Variants in MGAT4C observed in about 807,000 individuals in gnomAD.
MGAT4C encodes MGAT4 family member C.
Under a neutral mutation model 40.1 loss-of-function variants are expected in MGAT4C, and 19 were observed. The ratio of observed to expected loss-of-function variants is 0.47; its 90% CI spans 0.33 to 0.70. The LOEUF (loss-of-function observed/expected upper bound fraction) is 0.70. Ranked by LOEUF, MGAT4C falls within the 30% of genes least tolerant of loss-of-function variation. The pLI is 0.02. For missense variants in MGAT4C, 491 were observed against 563.2 expected, an observed-to-expected ratio of 0.87 and a Z score of 1.30; for synonymous variants, 181 against 187.1, an observed-to-expected ratio of 0.97 and a Z score of 0.27.
intron 2 of MGAT4C, among the ~76,000 whole-genome samples, chr12:86,641,557 A>G (rs1963388451): frequency 6.6e-6 from 1 of 151,758 alleles, no homozygotes; most frequent in Non-Finnish European, 1.5e-5. Flanking sequence ...AAATAAAAGA[A>G]TTCTAAGGAG....
At chr12:86,751,430 A>T (rs1270268849) in intron 1 of MGAT4C, among the ~76,000 whole-genome samples, 1 of 151,834 alleles carries the variant, frequency 6.6e-6, no homozygotes, top group Non-Finnish European at 1.5e-5. Flanking sequence ...TGAAGATGTA[A>T]AATTAGAACA....
chr12:86,592,432 G>T (rs1460030254), intron 2 of MGAT4C, among the ~76,000 whole-genome samples: 3 of 148,480 alleles, frequency 2.0e-5, no homozygotes, highest in Non-Finnish European at 4.5e-5. Context: ...ATATAAAAGT[G>T]TTATCAAACT....
intron 1 of MGAT4C, among the ~76,000 whole-genome samples, chr12:86,787,130 T>C (rs548984357): frequency 2.5e-4 from 38 of 152,124 alleles, no homozygotes; most frequent in Non-Finnish European, 4.1e-4. Context: ...GCATACATTA[T>C]GTAATTTCTC....
At chr12:86,678,535 C>G (rs1444645218) in intron 2 of MGAT4C, among the ~76,000 whole-genome samples, 3 of 150,502 alleles carry the variant, frequency 2.0e-5, no homozygotes, top group Admixed American at 6.7e-5. Flanking sequence ...CCCATTAACT[C>G]GTCATTTAGC....
chr12:86,491,251 T>G (rs979479687), intron 2 of MGAT4C, among the ~76,000 whole-genome samples: 2 of 152,128 alleles, frequency 1.3e-5, no homozygotes, highest in African/African-American at 4.8e-5. Flanking sequence ...TCTGAAACTA[T>G]TCCAATCAAT....
intron 2 of MGAT4C, among the ~76,000 whole-genome samples, chr12:86,478,079 C>T (rs1450259951): frequency 6.6e-6 from 1 of 152,050 alleles, no homozygotes; most frequent in East Asian, 1.9e-4. Flanking sequence ...TACAAGATCA[C>T]TGTAGATTAA....
intron 2 of MGAT4C, among the ~76,000 whole-genome samples, chr12:86,710,803 G>A (rs973930027): frequency 6.6e-5 from 10 of 152,248 alleles, no homozygotes; most frequent in Non-Finnish European, 7.4e-5. Flanking sequence ...ATCAACGAAC[G>A]AGTGGATGAA....
intron 1 of MGAT4C, among the ~76,000 whole-genome samples, chr12:86,092,655 C>T (rs749733251): frequency 3.9e-5 from 6 of 152,042 alleles, no homozygotes; most frequent in Admixed American, 1.3e-4. Flanking sequence ...TCCAAGAGGA[C>T]GCTGGATCTT....
intron 2 of MGAT4C, among the ~76,000 whole-genome samples, chr12:86,477,456 C>T (rs769077837): frequency 6.6e-6 from 1 of 151,978 alleles, no homozygotes; most frequent in Non-Finnish European, 1.5e-5. Flanking sequence ...AAGCTACCTA[C>T]TGGGTGATAA....
chr12:86,748,946 CTT>C (rs376881850), intron 1 of MGAT4C, among the ~76,000 whole-genome samples: 1 of 141,558 alleles, frequency 7.1e-6, no homozygotes. Flanking sequence ...TTCTTTTAAC[CTT>C]TTTTTTTTTT....
rs557839852 is a variant in MGAT4C, at chr12:85,972,961, A to G, written c.*6328T>C. On this transcript the variant is annotated 3_prime_UTR_variant, in exon 5 of 5. Coordinates refer to ENST00000611864, the MANE Select transcript of MGAT4C (RefSeq NM_001351288.2). ...TATTTTATGGAGAAAAGAGGCATGTACTACCTTAAACATTTTCCAATTGGA... is the reference window on the plus strand; with the variant it reads ...TATTTTATGGAGAAAAGAGGCATGTGCTACCTTAAACATTTTCCAATTGGA... 17 of 151,144 alleles carry G rather than the reference A, an allele frequency of 1.1e-4. 1 individual carries two copies. Among genetic ancestry groups the G allele is most frequent in the African/African-American group, 4.1e-4 (17 of 41,476 alleles). 9.4% of individuals were successfully genotyped at this position (151,144 alleles called of 1,614,324 possible). A position where few individuals can be genotyped will look rare whatever the true frequency, so the allele number is the denominator to read the frequency against.
At chr12:86,823,548 T>C (rs528003581) in intron 1 of MGAT4C, among the ~76,000 whole-genome samples, 32 of 151,208 alleles carry the variant, frequency 2.1e-4, no homozygotes, top group Non-Finnish European at 4.4e-4. Context: ...ACGATGAGGA[T>C]AGTTGTCACA....
intron 4 of MGAT4C, among the ~76,000 whole-genome samples, chr12:86,290,635 C>T (rs1953486024): frequency 6.6e-6 from 1 of 151,318 alleles, no homozygotes; most frequent in African/African-American, 2.4e-5. Flanking sequence ...ATCATTTGTG[C>T]ATCAAACCCC....
At chr12:86,099,322 T>C (rs957231337) in intron 1 of MGAT4C, among the ~76,000 whole-genome samples, 3 of 151,456 alleles carry the variant, frequency 2.0e-5, no homozygotes, top group Non-Finnish European at 4.4e-5. Flanking sequence ...CACTATTTCA[T>C]AGTTTGGCTG....
At chr12:86,061,455 C>T (rs1481810637) in intron 1 of MGAT4C, among the ~76,000 whole-genome samples, 2 of 141,378 alleles carry the variant, frequency 1.4e-5, no homozygotes, top group Non-Finnish European at 3.0e-5. Context: ...ACTGAGCTAA[C>T]TGCAGGAGTT....
intron 1 of MGAT4C, among the ~76,000 whole-genome samples, chr12:86,094,149 A>G (rs1196800144): frequency 6.6e-6 from 1 of 152,130 alleles, no homozygotes; most frequent in Non-Finnish European, 1.5e-5. Flanking sequence ...TATTGTGTGA[A>G]TCATGGAAGG....
intron 2 of MGAT4C, among the ~76,000 whole-genome samples, chr12:86,493,660 C>A (rs141468638): frequency 2.0e-5 from 2 of 102,274 alleles, no homozygotes; most frequent in South Asian, 7.2e-4. Context: ...GGTGGGGGGA[C>A]GGGGGAGGGA....
chr12:85,979,559 T>C lies in MGAT4C; in HGVS notation c.1167A>G (p.Ile389Met), dbSNP rs559630993. Residue 389 changes from isoleucine (I) to methionine (M), a missense_variant, in exon 5 of 5, where the codon ATA becomes ATG. By Grantham distance (10) the Ile-to-Met change is conservative (BLOSUM62 1). Transcript: ENST00000611864. ...FVIVFENPII[I>M]KKIKVNTGTE... ...TTCCAGTATTTACTTTAATTTTTTT[T>C]ATTATAATTGGATTTTCAAATACAA... 1.2e-6 allele frequency: 2 copies of C among 1,608,422 alleles called. No homozygotes were observed. The highest frequency in any genetic ancestry group is 1.7e-5 in the Admixed American group (1 of 59,650).
intron 1 of MGAT4C, among the ~76,000 whole-genome samples, chr12:86,790,390 G>A (rs1027206599): frequency 1.3e-5 from 2 of 151,944 alleles, no homozygotes; most frequent in Non-Finnish European, 2.9e-5. Flanking sequence ...AGAAGAGGGA[G>A]GGCAAATGCT....
Sources: allele counts gnomAD v4.1 joint callset (sites outside exome capture counted in the v4.1 genomes callset), GRCh38; gene constraint gnomAD v4.1.1; transcripts MANE v1.5; gene names NCBI Gene and HGNC (gene_info 2026-07-23, HGNC 2026-07-21).